The following FBXL17 variants were observed in gnomAD, a reference collection of about 807,000 sequenced individuals.
FBXL17 encodes the protein F-box and leucine rich repeat protein 17, also known as F-box/LRR-repeat protein 17.
FBXL17 carries 22 observed loss-of-function variants against 66.2 expected under a neutral mutation model. The ratio of observed to expected loss-of-function variants is 0.33; its 90% CI spans 0.24 to 0.47. The LOEUF (loss-of-function observed/expected upper bound fraction) is 0.47, where lower values mean the gene tolerates loss of function less well. Ranked by LOEUF, FBXL17 falls within the 20% of genes least tolerant of loss-of-function variation. The pLI, the probability that FBXL17 is intolerant of heterozygous loss-of-function variation, is 1.00. For synonymous variants in FBXL17, 474 were observed against 400.5 expected (o/e 1.18, Z -2.19); for missense variants, 878 against 948.2 (o/e 0.93, Z 0.97).
chr5:108,152,009 A>T (rs1250671947), intron 6 of FBXL17, among the ~76,000 whole-genome samples: 2 of 152,234 alleles, frequency 1.3e-5, no homozygotes, highest in Non-Finnish European at 2.9e-5. Context: ...TTCTTCATTT[A>T]TAAAAGAAAG....
At chr5:107,909,709 G>A (rs1160847273) in intron 7 of FBXL17, among the ~76,000 whole-genome samples, 1 of 152,068 alleles carries the variant, frequency 6.6e-6, no homozygotes, top group Non-Finnish European at 1.5e-5. Context: ...TGAATTCTGA[G>A]ACTCTAAATA....
intron 7 of FBXL17, among the ~76,000 whole-genome samples, chr5:108,016,032 G>GTGC (rs1259574696): frequency 3.9e-5 from 6 of 152,128 alleles, no homozygotes; most frequent in Admixed American, 6.6e-5. Context: ...CACACGGTGG[G>GTGC]TGCTGACTCA....
chr5:107,929,071 T>C (rs1750636805), intron 7 of FBXL17, among the ~76,000 whole-genome samples: 1 of 152,174 alleles, frequency 6.6e-6, no homozygotes, highest in Non-Finnish European at 1.5e-5. Context: ...CACAAGGCAA[T>C]GAAAGGTGAA....
At chr5:107,964,049 G>C (rs570758307) in intron 7 of FBXL17, among the ~76,000 whole-genome samples, 83 of 152,260 alleles carry the variant, frequency 5.5e-4, no homozygotes, top group African/African-American at 1.7e-3. Flanking sequence ...GAATAAAGTA[G>C]CATAGTTTTT....
chr5:108,082,566 CA>C (rs767766373), intron 6 of FBXL17, among the ~76,000 whole-genome samples: 1 of 152,182 alleles, frequency 6.6e-6, no homozygotes, highest in Non-Finnish European at 1.5e-5. Context: ...TACAAAGTAG[CA>C]GGCTCTTCTG....
chr5:108,038,881 T>C (rs1746946620), intron 6 of FBXL17, among the ~76,000 whole-genome samples: 1 of 152,026 alleles, frequency 6.6e-6, no homozygotes, highest in African/African-American at 2.4e-5. Context: ...AAACTGGAAA[T>C]CCTTGATGAT....
chr5:108,082,742 T>C (rs1419350696), intron 6 of FBXL17, among the ~76,000 whole-genome samples: 1 of 152,204 alleles, frequency 6.6e-6, no homozygotes, highest in East Asian at 1.9e-4. Context: ...ATAACATTAT[T>C]GTTTTGTTTC....
intron 7 of FBXL17, among the ~76,000 whole-genome samples, chr5:107,937,865 C>A (rs1413120816): frequency 2.6e-5 from 4 of 152,098 alleles, no homozygotes; most frequent in Non-Finnish European, 5.9e-5. Flanking sequence ...AAAATCATAT[C>A]AAGAAGGCCA....
chr5:108,177,932 T>TATATATATATATATATATATATATCCAC (rs1242739302), intron 6 of FBXL17, among the ~76,000 whole-genome samples: 1 of 126,834 alleles, frequency 7.9e-6, no homozygotes, highest in African/African-American at 2.7e-5. Context: ...TATATATATA[T>TATATATATATATATATATATATATCCAC]ACACACACAC....
At chr5:108,084,371 C>A (rs1274335412) in intron 6 of FBXL17, among the ~76,000 whole-genome samples, 1 of 152,324 alleles carries the variant, frequency 6.6e-6, no homozygotes, top group South Asian at 2.1e-4. Flanking sequence ...ATCTACCAAT[C>A]GGTTTGCTCT....
At chr5:108,145,989 C>T (rs1023717786) in intron 6 of FBXL17, among the ~76,000 whole-genome samples, 2 of 151,900 alleles carry the variant, frequency 1.3e-5, no homozygotes, top group African/African-American at 2.4e-5. Context: ...GAGGCCGAGG[C>T]GGGCGGATCA....
intron 7 of FBXL17, among the ~76,000 whole-genome samples, chr5:108,004,034 G>T (rs1191422753): frequency 6.6e-6 from 1 of 152,070 alleles, no homozygotes; most frequent in African/African-American, 2.4e-5. Context: ...TAACAGAAAA[G>T]CTGCGCAACA....
intron 4 of FBXL17, among the ~76,000 whole-genome samples, chr5:108,229,834 T>C (rs1755249631): frequency 6.6e-6 from 1 of 152,164 alleles, no homozygotes; most frequent in Non-Finnish European, 1.5e-5. Context: ...AAAGGGCTAA[T>C]ACCCAGAATC....
chr5:107,953,890 A>T (rs932557539), intron 7 of FBXL17, among the ~76,000 whole-genome samples: 1 of 152,222 alleles, frequency 6.6e-6, no homozygotes, highest in Admixed American at 6.5e-5. Flanking sequence ...TTTCCTCTAA[A>T]ATCATACATC....
rs201752049 is a variant in FBXL17, at chr5:107,871,057, CAAAAAA to C, written c.1966-9203_1966-9198del. ...GGTAAGAAATATTACTCTTGGGCGG[CAAAAAA>C]AAAAAAAAAAAAAAAACCTCATCTA... On this transcript the variant is annotated intron_variant, in intron 8 of 8. Coordinates refer to ENST00000542267, the MANE Select transcript of FBXL17 (RefSeq NM_001163315.3). Among the ~76,000 whole-genome samples the C allele has an allele frequency of 4.6e-3, 303 of 65,888 alleles. 7 individuals carry two copies. The highest frequency in any genetic ancestry group is 0.019 in the African/African-American group (252 of 13,324). 43.2% of individuals were successfully genotyped at this position (65,888 alleles called of 152,430 possible).
intron 6 of FBXL17, among the ~76,000 whole-genome samples, chr5:108,102,220 C>T (rs1749629643): frequency 6.6e-6 from 1 of 152,130 alleles, no homozygotes; most frequent in Non-Finnish European, 1.5e-5. Flanking sequence ...GGTCCCAAAA[C>T]AAAAACTCAG....
intron 4 of FBXL17, among the ~76,000 whole-genome samples, chr5:108,269,131 A>T (rs1268442578): frequency 6.6e-6 from 1 of 152,002 alleles, no homozygotes; most frequent in African/African-American, 2.4e-5. Flanking sequence ...CCTTGCTAAG[A>T]ATGTTACTTT....
intron 4 of FBXL17, among the ~76,000 whole-genome samples, chr5:108,267,197 G>T (rs941715493): frequency 6.6e-6 from 1 of 151,760 alleles, no homozygotes; most frequent in African/African-American, 2.4e-5. Context: ...TGGCAATAAA[G>T]AACCAGTTTC....
At chr5:108,102,499 G>A (rs1259392165) in intron 6 of FBXL17, among the ~76,000 whole-genome samples, 1 of 152,050 alleles carries the variant, frequency 6.6e-6, no homozygotes, top group African/African-American at 2.4e-5. Context: ...GTGAGATACC[G>A]ATTCCTTATT....
Sources: allele counts gnomAD v4.1 joint callset (sites outside exome capture counted in the v4.1 genomes callset), GRCh38; gene constraint gnomAD v4.1.1; transcripts MANE v1.5; gene names NCBI Gene and HGNC (gene_info 2026-07-23, HGNC 2026-07-21).